NRG3: variants seen among roughly 807,000 people sequenced by gnomAD.
NRG3 encodes the protein neuregulin 3, also known as pro-neuregulin-3, membrane-bound isoform.
In NRG3, 31 loss-of-function variants were observed where a neutral mutation model predicts 66.9. The ratio of observed to expected loss-of-function variants is 0.46; its 90% CI spans 0.35 to 0.63. The LOEUF is 0.63. Among genes scored for constraint, NRG3 ranks in the 20% least tolerant of loss-of-function variants. NRG3 has a pLI of 0.00. For missense variants in NRG3, 910 were observed against 878.9 expected (o/e 1.04, Z -0.45); for synonymous variants, 393 against 359.4 (o/e 1.09, Z -1.06).
intron 2 of NRG3, among the ~76,000 whole-genome samples, chr10:82,401,036 A>G (rs1039884050): frequency 6.6e-6 from 1 of 152,144 alleles, no homozygotes; most frequent in East Asian, 1.9e-4. Context: ...CTCAGTACTA[A>G]TGGCAACACA....
intron 1 of NRG3, among the ~76,000 whole-genome samples, chr10:82,061,241 C>T (rs868114471): frequency 2.2e-4 from 33 of 152,232 alleles, no homozygotes; most frequent in Non-Finnish European, 3.4e-4. Context: ...ATCCCAACTA[C>T]TTGGGAGGCT....
chr10:82,507,719 C>T (rs972803236), intron 2 of NRG3, among the ~76,000 whole-genome samples: 1 of 152,210 alleles, frequency 6.6e-6, no homozygotes, highest in Non-Finnish European at 1.5e-5. Flanking sequence ...GACTAGGTTT[C>T]TGAAAGCTAC....
chr10:82,344,239 G>T (rs1436564703), intron 1 of NRG3, among the ~76,000 whole-genome samples: 1 of 150,300 alleles, frequency 6.7e-6, no homozygotes, highest in Non-Finnish European at 1.5e-5. Flanking sequence ...ACAGTCCCCA[G>T]AGTATGATAT....
At chr10:82,250,298 A>T (rs983456631) in intron 1 of NRG3, among the ~76,000 whole-genome samples, 1 of 152,120 alleles carries the variant, frequency 6.6e-6, no homozygotes, top group Non-Finnish European at 1.5e-5. Context: ...TTTTCTTGGG[A>T]TGTATTTAGG....
At chr10:82,011,828 T>C (rs2061589532) in intron 1 of NRG3, among the ~76,000 whole-genome samples, 3 of 152,146 alleles carry the variant, frequency 2.0e-5, no homozygotes, top group Non-Finnish European at 2.9e-5. Context: ...GTCTTGGGCG[T>C]CTCCACCCCT....
intron 1 of NRG3, among the ~76,000 whole-genome samples, chr10:81,905,528 G>A (rs750640035): frequency 2.6e-5 from 4 of 152,190 alleles, no homozygotes; most frequent in Non-Finnish European, 4.4e-5. Flanking sequence ...TTTTAGTGTC[G>A]TTTATATAGC....
At chr10:82,502,103 G>A (rs986359578) in intron 2 of NRG3, among the ~76,000 whole-genome samples, 3 of 152,210 alleles carry the variant, frequency 2.0e-5, no homozygotes, top group African/African-American at 7.2e-5. Context: ...ATAAGCATAT[G>A]TCAAGAAATA....
intron 4 of NRG3, among the ~76,000 whole-genome samples, chr10:82,917,494 C>T (rs1845953035): frequency 6.6e-6 from 1 of 152,168 alleles, no homozygotes; most frequent in Admixed American, 6.5e-5. Context: ...GGCTGATTTC[C>T]TAGTTAACCT....
chr10:82,671,908 A>C (rs1167918012), intron 2 of NRG3, among the ~76,000 whole-genome samples: 1 of 152,186 alleles, frequency 6.6e-6, no homozygotes, highest in Non-Finnish European at 1.5e-5. Flanking sequence ...AATGAGTGAG[A>C]ACTTTGTTCT....
intron 6 of NRG3, among the ~76,000 whole-genome samples, chr10:82,966,591 A>C (rs1851228895): frequency 6.6e-6 from 1 of 152,158 alleles, no homozygotes; most frequent in African/African-American, 2.4e-5. Context: ...TTTGCATAGA[A>C]TACTCTTTGG....
intron 1 of NRG3, among the ~76,000 whole-genome samples, chr10:82,170,622 A>G (rs569722750): frequency 9.1e-4 from 127 of 140,162 alleles, no homozygotes; most frequent in Middle Eastern, 3.8e-3. Flanking sequence ...TAATTGTGAG[A>G]ATTGAATGAG....
At chr10:82,784,532 A>C (rs1342183476) in intron 3 of NRG3, among the ~76,000 whole-genome samples, 4 of 152,222 alleles carry the variant, frequency 2.6e-5, no homozygotes, top group Non-Finnish European at 5.9e-5. Flanking sequence ...ACCCCATCAA[A>C]AAGTGGGCAA....
Position 82,787,449 on chromosome 10 carries a change from G to T in NRG3, c.1027+48799G>T, listed in dbSNP as rs77898611. Among the ~76,000 whole-genome samples the T allele has an allele frequency of 5.0e-3, 759 of 152,270 alleles. 2 individuals are homozygous for T. Among genetic ancestry groups the T allele is most frequent in the African/African-American group, 0.018 (733 of 41,548 alleles). ...TTATAATGTTTAGGTAAACAAGGAG[G>T]AGCCTTTGTAGTAGGTGAACCTTGA... On this transcript the variant is annotated intron_variant, in intron 3 of 8. Coordinates refer to ENST00000372141, the MANE Select transcript of NRG3 (RefSeq NM_001010848.4).
At chr10:82,968,773 G>C (rs562957839) in intron 6 of NRG3, among the ~76,000 whole-genome samples, 56 of 152,228 alleles carry the variant, frequency 3.7e-4, no homozygotes, top group African/African-American at 1.3e-3. Context: ...ATTGTCCCCT[G>C]GCAGCCCGTA....
chr10:82,067,483 G>A (rs139931286), intron 1 of NRG3, among the ~76,000 whole-genome samples: 1,830 of 152,324 alleles, frequency 0.012, 14 homozygotes, highest in Non-Finnish European at 0.019. Context: ...AAGTAGCTGA[G>A]ATTACAGGTT....
intron 2 of NRG3, among the ~76,000 whole-genome samples, chr10:82,524,331 T>C (rs1345851667): frequency 6.6e-6 from 1 of 152,034 alleles, no homozygotes; most frequent in East Asian, 1.9e-4. Context: ...GGGTAATTTA[T>C]GTAAAAATAT....
intron 1 of NRG3, among the ~76,000 whole-genome samples, chr10:82,289,355 G>A (rs2079595501): frequency 1.3e-5 from 2 of 151,768 alleles, no homozygotes; most frequent in African/African-American, 4.8e-5. Flanking sequence ...CATCAGAAAG[G>A]GCCAACGACT....
intron 4 of NRG3, among the ~76,000 whole-genome samples, chr10:82,921,304 A>C (rs1846399308): frequency 6.6e-6 from 1 of 152,164 alleles, no homozygotes; most frequent in Non-Finnish European, 1.5e-5. Context: ...AAGGTGATTA[A>C]AAACAAGAAA....
chr10:82,288,771 T>C (rs4297406), intron 1 of NRG3, among the ~76,000 whole-genome samples: 23,465 of 152,148 alleles, frequency 0.15, 1,932 homozygotes, highest in East Asian at 0.22. Context: ...TTGACATTCC[T>C]TCTGATGACT....
Sources: allele counts gnomAD v4.1 joint callset (sites outside exome capture counted in the v4.1 genomes callset), GRCh38; gene constraint gnomAD v4.1.1; transcripts MANE v1.5; gene names NCBI Gene and HGNC (gene_info 2026-07-23, HGNC 2026-07-21).